The following TSHZ3 variants were observed in gnomAD, a reference collection of about 807,000 sequenced individuals.
The protein encoded by TSHZ3 is teashirt homolog 3.
In TSHZ3, 10 loss-of-function variants were observed where a neutral mutation model predicts 64.5. That is an observed-to-expected ratio of 0.16 (90% confidence interval 0.10 to 0.26). TSHZ3 has a LOEUF of 0.26. Among genes scored for constraint, TSHZ3 ranks in the 10% least tolerant of loss-of-function variants. The pLI, the probability that TSHZ3 is intolerant of heterozygous loss-of-function variation, is 1.00. For missense variants in TSHZ3, 1,242 were observed against 1,421.7 expected (o/e 0.87, Z 2.03); for synonymous variants, 608 against 593.1 (o/e 1.03, Z -0.36).
intron 5 of TSHZ3, among the ~76,000 whole-genome samples, chr19:31,193,557 A>C (rs970514999): frequency 1.3e-5 from 2 of 152,210 alleles, no homozygotes; most frequent in African/African-American, 4.8e-5. Flanking sequence ...GCGATCCTGC[A>C]TGTTATACTT....
intron 5 of TSHZ3, among the ~76,000 whole-genome samples, chr19:31,173,838 A>G (rs2145118086): frequency 6.6e-6 from 1 of 152,274 alleles, no homozygotes; most frequent in South Asian, 2.1e-4. Flanking sequence ...GGGAGGCTGA[A>G]GCGGGCAGAT....
At chr19:31,230,205 A>G (rs187210504) in intron 3 of TSHZ3, among the ~76,000 whole-genome samples, 2 of 152,328 alleles carry the variant, frequency 1.3e-5, no homozygotes, top group East Asian at 3.9e-4. Context: ...AAGGTCATAA[A>G]AAAATCATAC....
At chr19:31,231,450 C>T (rs748839192) in intron 3 of TSHZ3, among the ~76,000 whole-genome samples, 1 of 152,174 alleles carries the variant, frequency 6.6e-6, no homozygotes, top group Non-Finnish European at 1.5e-5. Flanking sequence ...GTGATTCAGC[C>T]TCGTATTATG....
At chr19:31,227,631 G>A (rs1483279806) in intron 4 of TSHZ3, among the ~76,000 whole-genome samples, 3 of 152,224 alleles carry the variant, frequency 2.0e-5, no homozygotes, top group East Asian at 3.9e-4. Context: ...AACACCAGGG[G>A]CTGAAAATCT....
At chr19:31,313,712 C>T (rs534138028) in intron 1 of TSHZ3, among the ~76,000 whole-genome samples, 1 of 152,320 alleles carries the variant, frequency 6.6e-6, no homozygotes, top group African/African-American at 2.4e-5. Context: ...AAATGCATGG[C>T]CGTAGCCATT....
chr19:31,212,051 T>TC (rs1780536361), intron 4 of TSHZ3, among the ~76,000 whole-genome samples: 4 of 140,420 alleles, frequency 2.8e-5, no homozygotes, highest in South Asian at 2.3e-4. Context: ...TCTTTCTCTC[T>TC]TTTTTTTTTT....
At chr19:31,230,676 C>T (rs1445414639) in intron 3 of TSHZ3, among the ~76,000 whole-genome samples, 1 of 150,266 alleles carries the variant, frequency 6.7e-6, no homozygotes, top group South Asian at 2.1e-4. Flanking sequence ...ATCACTACCC[C>T]TGCTTCCCAT....
chr19:31,309,136 C>A (rs1052533749), intron 1 of TSHZ3, among the ~76,000 whole-genome samples: 1 of 152,216 alleles, frequency 6.6e-6, no homozygotes, highest in Non-Finnish European at 1.5e-5. Flanking sequence ...GCCCGCCACC[C>A]CTTGCAGACA....
chr19:31,169,320 C>T (rs1435430654), intron 5 of TSHZ3, among the ~76,000 whole-genome samples: 12 of 152,110 alleles, frequency 7.9e-5, no homozygotes, highest in Non-Finnish European at 1.8e-4. Flanking sequence ...ACTTGTACAC[C>T]CATGTTCATA....
intron 4 of TSHZ3, among the ~76,000 whole-genome samples, chr19:31,221,774 ATGG>A (rs1975397441): frequency 6.6e-6 from 1 of 152,182 alleles, no homozygotes; most frequent in Admixed American, 6.5e-5. Flanking sequence ...CCCACTAAAT[ATGG>A]TGCACTTCCT....
intron 3 of TSHZ3, among the ~76,000 whole-genome samples, chr19:31,231,832 A>G (rs1387498971): frequency 6.6e-6 from 1 of 152,178 alleles, no homozygotes; most frequent in African/African-American, 2.4e-5. Flanking sequence ...AAGGGCATTC[A>G]CTTCACACTT....
intron 1 of TSHZ3, chr19:31,348,827 C>G (rs1599665557): frequency 3.9e-6 from 1 of 254,606 alleles, no homozygotes; most frequent in Non-Finnish European, 7.5e-6. Flanking sequence ...GGAAGATGTC[C>G]CGGGGAACTC....
In TSHZ3 at chr19:31,219,284, T is replaced by C. The variant is rs184590036; in HGVS notation, n.686+8721A>G. On this transcript the variant is annotated intron_variant and non_coding_transcript_variant, in intron 4 of 6. Coordinates refer to the TSHZ3 transcript ENST00000651361. ...CAAAATGATTCCGTGTCTTGACCTA[T>C]GACCTCTGTATCAGAGAATGACTCA... Among the ~76,000 whole-genome samples, 22 of 152,310 alleles carry C rather than the reference T, an allele frequency of 1.4e-4. No individual in the cohort carries two copies. The East Asian group carries it at 4.1e-3, about 28-fold the overall frequency.
At chr19:31,228,593 T>C (rs1006399516) in intron 3 of TSHZ3, among the ~76,000 whole-genome samples, 2 of 152,096 alleles carry the variant, frequency 1.3e-5, no homozygotes, top group Non-Finnish European at 2.9e-5. Flanking sequence ...GTCTTATTTT[T>C]CAATCATTAT....
intron 1 of TSHZ3, among the ~76,000 whole-genome samples, chr19:31,262,428 C>A (rs1310092357): frequency 6.6e-6 from 1 of 152,122 alleles, no homozygotes; most frequent in Admixed American, 6.5e-5. Flanking sequence ...AGAGCTCCCC[C>A]CTCCCACTCC....
rs553766167 is a variant in TSHZ3 at position 31,158,755 on chromosome 19, G to A, written n.810-2338C>T. Among the ~76,000 whole-genome samples the A allele has an allele frequency of 2.8e-4, 43 of 152,294 alleles. No homozygotes were observed. The South Asian group carries it at 8.7e-3, about 31-fold the overall frequency. ...CTAGGTGGCCCCATATGGGGATGAT[G>A]GAAGATGGTGACAGATCATCAGGCA... On this transcript the variant is annotated intron_variant and non_coding_transcript_variant, in intron 5 of 6. Transcript: ENST00000651361.
intron 1 of TSHZ3, among the ~76,000 whole-genome samples, chr19:31,266,037 G>A (rs1279386430): frequency 2.6e-5 from 4 of 152,184 alleles, no homozygotes; most frequent in African/African-American, 7.2e-5. Flanking sequence ...GCCTGGAGAG[G>A]AACAGGTGTC....
intron 1 of TSHZ3, among the ~76,000 whole-genome samples, chr19:31,313,195 C>T (rs12461073): frequency 0.34 from 51,406 of 151,848 alleles, 8,760 homozygotes; most frequent in East Asian, 0.47. Flanking sequence ...CTGCTACCAG[C>T]GTTTGCTGTT....
chr19:31,280,756 C>A (rs1351500893), intron 1 of TSHZ3, among the ~76,000 whole-genome samples: 1 of 152,248 alleles, frequency 6.6e-6, no homozygotes, highest in Non-Finnish European at 1.5e-5. Flanking sequence ...CATTCCCACG[C>A]AGGTGGAGGG....
Sources: allele counts gnomAD v4.1 joint callset (sites outside exome capture counted in the v4.1 genomes callset), GRCh38; gene constraint gnomAD v4.1.1; transcripts MANE v1.5; gene names NCBI Gene and HGNC (gene_info 2026-07-23, HGNC 2026-07-21).